Variants in DHX37 observed in about 807,000 individuals in gnomAD.
DHX37 encodes the protein probable ATP-dependent RNA helicase DHX37.
DHX37 carries 52 observed loss-of-function variants against 134.3 expected under a neutral mutation model. The ratio of observed to expected loss-of-function variants is 0.39; its 90% CI spans 0.31 to 0.49. The LOEUF is 0.49. Ranked by LOEUF, DHX37 falls within the 20% of genes least tolerant of loss-of-function variation. The pLI, the probability that DHX37 is intolerant of heterozygous loss-of-function variation, is 0.93. For synonymous variants in DHX37, 634 were observed against 670.7 expected (o/e 0.95, Z 0.85); for missense variants, 1,344 against 1,580.8 (o/e 0.85, Z 2.54).
In DHX37 at chr12:124,952,380, A is replaced by T. The variant is rs777660625; in HGVS notation, c.2868+18T>A. 26 of 1,596,106 alleles carry T rather than the reference A, an allele frequency of 1.6e-5. No homozygotes were observed. The highest frequency in any genetic ancestry group is 1.3e-4 in the South Asian group (12 of 89,198). On this transcript the variant is annotated intron_variant, in intron 21 of 26. Coordinates refer to ENST00000308736, the MANE Select transcript of DHX37 (RefSeq NM_032656.4). The stretch of plus-strand genomic sequence containing the variant: ...GGTGCCCCAAGCTACCCGGGCAGGG[A>T]GGCGGTGGGGGCCGCACCTTGTAGG...
Position 124,952,385 on chromosome 12 carries a change from G to T in DHX37, c.2868+13C>A. The T allele has an allele frequency of 6.3e-7, 1 of 1,598,942 alleles. No individual in the cohort carries two copies. Among genetic ancestry groups the T allele is most frequent in the Non-Finnish European group, 8.5e-7 (1 of 1,175,388 alleles). On this transcript the variant is annotated intron_variant, in intron 21 of 26. Coordinates refer to ENST00000308736, the MANE Select transcript of DHX37 (RefSeq NM_032656.4). ...CCCAAGCTACCCGGGCAGGGAGGCG[G>T]TGGGGGCCGCACCTTGTAGGCGTTC...
At chr12:124,981,352 G>A (rs1954755489) in intron 3 of DHX37, among the ~76,000 whole-genome samples, 1 of 152,046 alleles carries the variant, frequency 6.6e-6, no homozygotes, top group Admixed American at 6.5e-5. Flanking sequence ...ACAGAGTGGG[G>A]TGGGACTGGG....
chr12:124,947,023 A>G lies in DHX37; in HGVS notation c.*779T>C, dbSNP rs972247824. 6 of 151,854 alleles carry G rather than the reference A, an allele frequency of 4.0e-5. 1 individual carries two copies. The highest frequency in any genetic ancestry group is 2.0e-4 in the Admixed American group (3 of 15,236). 9.4% of individuals were successfully genotyped at this position (151,854 alleles called of 1,614,324 possible). On this transcript the variant is annotated 3_prime_UTR_variant, in exon 27 of 27. Transcript: ENST00000308736. The stretch of plus-strand genomic sequence containing the variant: ...GTCCCTCTTTCTTGCTGGGGGACCT[A>G]CCCCACCCTCCCCCTCCCACCTCAG...
rs367954633 is a variant in DHX37, at chr12:124,982,636, A to G, written c.277-13T>C. 1,821 of 1,612,138 alleles carry G rather than the reference A, an allele frequency of 1.1e-3. 35 individuals are homozygous for G. In the South Asian group the frequency reaches 0.019, roughly 17 times the overall value. The stretch of plus-strand genomic sequence containing the variant: ...GCATCTCTGCTCGCTGGGAAAGGAA[A>G]CGAGTGTATTATGCATTTGCCATCA... On this transcript the variant is annotated splice_polypyrimidine_tract_variant and intron_variant, in intron 2 of 26. Coordinates refer to ENST00000308736, the MANE Select transcript of DHX37 (RefSeq NM_032656.4).
intron 16 of DHX37, 120 bp from the exon 17 acceptor site, chr12:124,957,255 T>C: frequency 1.1e-6 from 1 of 925,844 alleles, no homozygotes; most frequent in Non-Finnish European, 1.5e-6. Context: ...CTCATGCCAG[T>C]GGGGACACAG....
intron 7 of DHX37, among the ~76,000 whole-genome samples, chr12:124,972,193 G>C (rs542404205): frequency 1.4e-4 from 22 of 152,366 alleles, no homozygotes; most frequent in African/African-American, 5.3e-4. Context: ...CGTGAACTCT[G>C]TGAGTCAGTC....
chr12:124,982,465 G>T, intron 3 of DHX37, 46 bp downstream of exon 3: 1 of 1,606,914 alleles, frequency 6.2e-7, no homozygotes, highest in Non-Finnish European at 8.5e-7. Flanking sequence ...CCTCCCTAGG[G>T]GGCCCTGGAG....
chr12:124,947,470 A>C lies in DHX37; in HGVS notation c.*332T>G. 5.5e-5 allele frequency: 12 copies of C among 220,130 alleles called. No homozygotes were observed. Among genetic ancestry groups the C allele is most frequent in the Non-Finnish European group, 9.7e-5 (11 of 113,490 alleles). The allele number at this position is 220,130 out of a possible 1,614,324, so 13.6% of individuals were successfully genotyped here. On this transcript the variant is annotated 3_prime_UTR_variant, in exon 27 of 27. Coordinates refer to ENST00000308736, the MANE Select transcript of DHX37 (RefSeq NM_032656.4). Reference sequence around the variant, plus strand: ...GGCCTTCTGGCAGGGCGGGCGGGGAAGGGACTGCAGAGATCTCCAGCCCTG... The same window carrying C: ...GGCCTTCTGGCAGGGCGGGCGGGGACGGGACTGCAGAGATCTCCAGCCCTG...
At position 124,989,079 on chromosome 12, in the gene DHX37, C is replaced by A; in HGVS notation, c.-57G>T. On this transcript the variant is annotated 5_prime_UTR_variant, in exon 1 of 27. Coordinates refer to ENST00000308736, the MANE Select transcript of DHX37 (RefSeq NM_032656.4). ...CCGGACCAGCAGAGCAATCCGAAAC[C>A]CAGCCCACGTGGGTTCCCAGACCAC... 1.6e-6 allele frequency: 2 copies of A among 1,212,508 alleles called. No homozygotes were observed. The highest frequency in any genetic ancestry group is 1.1e-6 in the Non-Finnish European group (1 of 950,054). The allele number at this position is 1,212,508 out of a possible 1,614,324, so 75.1% of individuals were successfully genotyped here.
chr12:124,988,268 C>T (rs1343283628), intron 1 of DHX37, among the ~76,000 whole-genome samples: 1 of 152,128 alleles, frequency 6.6e-6, no homozygotes, highest in Non-Finnish European at 1.5e-5. Flanking sequence ...TTTCTCTCAT[C>T]TCCAGGCAGC....
intron 21 of DHX37, 26 bp downstream of exon 21, chr12:124,952,372 G>T: frequency 6.3e-7 from 1 of 1,588,352 alleles, no homozygotes; most frequent in East Asian, 2.3e-5. Flanking sequence ...CAAGCTACCC[G>T]GGCAGGGAGG....
chr12:124,968,752 C>T (rs778796157), intron 9 of DHX37, 104 bp from the exon 10 acceptor site: 30 of 1,598,438 alleles, frequency 1.9e-5, no homozygotes, highest in African/African-American at 4.0e-5. Context: ...TCTAACACCC[C>T]CTCCAAGCTG....
intron 1 of DHX37, among the ~76,000 whole-genome samples, chr12:124,987,425 T>C (rs1284798895): frequency 2.6e-5 from 4 of 152,196 alleles, no homozygotes; most frequent in African/African-American, 4.8e-5. Context: ...CAGGGATACA[T>C]GGAAATGTCC....
At chr12:124,987,768 T>C (rs1954902892) in intron 1 of DHX37, among the ~76,000 whole-genome samples, 1 of 152,220 alleles carries the variant, frequency 6.6e-6, no homozygotes, top group Non-Finnish European at 1.5e-5. Flanking sequence ...ATCTGTATTC[T>C]ATTCACTGGT....
In DHX37 at chr12:124,975,648, C is replaced by T; in HGVS notation, c.888-137G>A. 3 of 855,048 alleles carry T rather than the reference C, an allele frequency of 3.5e-6. No homozygotes were observed. In the South Asian group the frequency reaches 4.9e-5, roughly 14 times the overall value. 53.0% of individuals were successfully genotyped at this position (855,048 alleles called of 1,614,324 possible). A position where few individuals can be genotyped will look rare whatever the true frequency, so the allele number is the denominator to read the frequency against. Reference sequence around the variant, plus strand: ...GGCGGTGGGAAACAGTGCCAGGTTGCACTACTTTTAACAGCAAACGGAACA... The same window carrying T: ...GGCGGTGGGAAACAGTGCCAGGTTGTACTACTTTTAACAGCAAACGGAACA... On this transcript the variant is annotated intron_variant, in intron 5 of 26. Transcript: ENST00000308736.
chr12:124,964,375 A>G lies in DHX37; in HGVS notation c.2045+19T>C. The G allele has an allele frequency of 6.2e-7, 1 of 1,611,718 alleles. No individual in the cohort carries two copies. The highest frequency in any genetic ancestry group is 8.5e-7 in the Non-Finnish European group (1 of 1,179,808). ...CAAGGCGGCACCAACGTCCCTGAGG[A>G]GGAGCCTGGGTGACCCACCTGTAGC... On this transcript the variant is annotated intron_variant, in intron 15 of 26. Coordinates refer to ENST00000308736, the MANE Select transcript of DHX37 (RefSeq NM_032656.4).
chr12:124,988,740 A>T (rs1488420820), intron 1 of DHX37, among the ~76,000 whole-genome samples, 177 bp downstream of exon 1: 1 of 151,882 alleles, frequency 6.6e-6, no homozygotes, highest in African/African-American at 2.4e-5. Flanking sequence ...TACACTGTTA[A>T]AACTAGGCTG....
intron 6 of DHX37, among the ~76,000 whole-genome samples, chr12:124,972,814 G>C (rs575811567): frequency 1.4e-4 from 22 of 152,346 alleles, no homozygotes; most frequent in African/African-American, 5.3e-4. Context: ...GGCAACTGAG[G>C]AGCCAGGCCC....
Position 124,950,013 on chromosome 12 carries a change from G to T in DHX37, c.3263C>A (p.Pro1088His). The T allele has an allele frequency of 6.2e-7, 1 of 1,612,754 alleles. No homozygotes were observed. The highest frequency in any genetic ancestry group is 8.5e-7 in the Non-Finnish European group (1 of 1,179,442). Residue 1088 changes from proline (P) to histidine (H), a missense_variant, in exon 25 of 27, where the codon CCC (proline) becomes CAC (histidine). This residue lies in a region of DHX37 where 558 missense variants were observed against 650.0 expected (regional missense o/e 0.86). Transcript: ENST00000308736. ...GGCCCACGTCTTCAGCATGGTGCCG[G>T]GGCTGGACAGCAGACAGCTCCGGTA... The part of the protein sequence containing the change: ...ASYRSCLLSS[P>H]GTMLKTWARL...
Sources: gnomAD v4.1 joint callset for allele counts (sites outside exome capture counted in the v4.1 genomes callset) on GRCh38, gnomAD v4.1.1 for gene constraint, gnomAD v4.1.1 regional missense constraint, MANE v1.5 for transcripts, NCBI Gene and HGNC (gene_info 2026-07-23, HGNC 2026-07-21) for gene names.